TARDBP: variants seen among roughly 807,000 people sequenced by gnomAD.
The protein encoded by TARDBP is TAR DNA binding protein, also known as TAR DNA-binding protein 43.
TARDBP carries 4 observed loss-of-function variants against 38.3 expected under a neutral mutation model. The observed-to-expected ratio is 0.10, with a 90% CI of 0.05 to 0.24. The LOEUF is 0.24. Ranked by LOEUF, TARDBP falls within the 10% of genes least tolerant of loss-of-function variation. TARDBP has a pLI of 1.00. For synonymous variants in TARDBP, 184 were observed against 183.8 expected, an observed-to-expected ratio of 1.00 and a Z score of -0.01; for missense variants, 202 against 521.9, an observed-to-expected ratio of 0.39 and a Z score of 5.97.
At chr1:11,029,561 A>G (rs1643804491), downstream of TARDBP, 2 of 151,912 alleles carry the variant, frequency 1.3e-5, no homozygotes, top group Non-Finnish European at 2.9e-5. Context: ...ATAGCATTTT[A>G]ACATAGAATA....
intron 2 of TARDBP, among the ~76,000 whole-genome samples, chr1:11,014,398 C>G (rs1229030811): frequency 6.6e-6 from 1 of 152,190 alleles, no homozygotes; most frequent in African/African-American, 2.4e-5. Context: ...TGAATTAGTG[C>G]AGTTCCAATT....
At chr1:11,030,414 A>T, downstream of TARDBP, 1 of 603,802 alleles carries the variant, frequency 1.7e-6, no homozygotes, top group Admixed American at 3.3e-5. Context: ...TCTCTGCATT[A>T]CCATGTTTGC....
At chr1:11,017,506 C>T (rs1427781497) in intron 3 of TARDBP, among the ~76,000 whole-genome samples, 1 of 151,858 alleles carries the variant, frequency 6.6e-6, no homozygotes, top group Non-Finnish European at 1.5e-5. Context: ...CGGCCACATT[C>T]TTGTTATTTT....
At chr1:11,020,051 G>A (rs915190007) in intron 4 of TARDBP, among the ~76,000 whole-genome samples, 20 of 151,610 alleles carry the variant, frequency 1.3e-4, no homozygotes, top group African/African-American at 4.6e-4. Context: ...AGTAGAGGTG[G>A]GGTTTCACCA....
In TARDBP at chr1:11,024,414, T is replaced by C. The variant is rs1323512870; in HGVS notation, c.*1760T>C. The C allele has an allele frequency of 6.6e-6, 1 of 152,616 alleles. No homozygotes were observed. The highest frequency in any genetic ancestry group is 1.5e-5 in the Non-Finnish European group (1 of 68,040). The allele number at this position is 152,616 out of a possible 1,614,324, so 9.5% of individuals were successfully genotyped here. ...TCTATTTACATGGCCTGTGTAAATCTCCATTGGGAAGTCATGCCTTCTAAA... is the reference window on the plus strand; with the variant it reads ...TCTATTTACATGGCCTGTGTAAATCCCCATTGGGAAGTCATGCCTTCTAAA... On this transcript the variant is annotated 3_prime_UTR_variant, in exon 6 of 6. Coordinates refer to ENST00000240185, the MANE Select transcript of TARDBP (RefSeq NM_007375.4).
chr1:11,026,696 CA>C, downstream of TARDBP: 1 of 434,614 alleles, frequency 2.3e-6, no homozygotes, highest in Non-Finnish European at 4.0e-6. Context: ...CCCCTTGAGT[CA>C]ATGGGTAAGG....
At position 11,022,727 on chromosome 1, in the gene TARDBP, G is replaced by C. The variant is rs185638796; in HGVS notation, c.*73G>C. 2.0e-4 allele frequency: 309 copies of C among 1,552,498 alleles called. 4 individuals carry two copies. In the East Asian group the frequency reaches 6.9e-3, roughly 35 times the overall value. On this transcript the variant is annotated 3_prime_UTR_variant, in exon 6 of 6. Transcript: ENST00000240185. The surrounding 1 kb of genome is among the most constrained non-coding windows in gnomAD (Gnocchi z 4.5). ...TTTCTAAACTCATGGTAAGTATATT[G>C]TAAAATACATATGTACTAAGAATTT...
downstream of TARDBP, chr1:11,027,397 C>T: frequency 6.2e-7 from 1 of 1,614,168 alleles, no homozygotes; most frequent in Non-Finnish European, 8.5e-7. Context: ...TGTATAAAAA[C>T]AGCTTCAGAC....
In TARDBP at chr1:11,023,350, C is replaced by T. The variant is rs896489029; in HGVS notation, c.*696C>T. 29 of 1,228,488 alleles carry T rather than the reference C, an allele frequency of 2.4e-5. No individual in the cohort carries two copies. The highest frequency in any genetic ancestry group is 5.1e-5 in the East Asian group (2 of 39,006). 76.1% of individuals were successfully genotyped at this position (1,228,488 alleles called of 1,614,324 possible). On this transcript the variant is annotated 3_prime_UTR_variant, in exon 6 of 6. Transcript: ENST00000240185. ...TGACGGTGGGTGTCCCATTTTTATC[C>T]GCTACTCTTTATTTCATGGAGTCGT...
At chr1:11,021,212 C>T (rs72870040) in intron 5 of TARDBP, among the ~76,000 whole-genome samples, 1,986 of 151,702 alleles carry the variant, frequency 0.013, 44 homozygotes, top group African/African-American at 0.045. Context: ...GATCTTGGCT[C>T]GCTGCATCCT....
At chr1:11,013,642 T>C (rs757365023) in intron 1 of TARDBP, 74 bp from the exon 2 acceptor site, 50 of 1,236,024 alleles carry the variant, frequency 4.0e-5, no homozygotes, top group Non-Finnish European at 5.7e-5. Flanking sequence ...TCTGACATGG[T>C]TTGGGTATTA....
downstream of TARDBP, among the ~76,000 whole-genome samples, chr1:11,028,529 A>G (rs901602464): frequency 4.6e-5 from 7 of 152,084 alleles, no homozygotes; most frequent in Admixed American, 1.3e-4. Context: ...GTTTTATTGT[A>G]TCTTTATTGC....
chr1:11,029,015 CAG>C (rs1643793964), downstream of TARDBP, among the ~76,000 whole-genome samples: 5 of 148,118 alleles, frequency 3.4e-5, no homozygotes, highest in South Asian at 1.1e-3. Context: ...TTTTTTGAGA[CAG>C]AGTCTCGCTC....
intron 2 of TARDBP, 147 bp downstream of exon 2, chr1:11,014,112 C>A: frequency 1.2e-6 from 1 of 835,214 alleles, no homozygotes; most frequent in Non-Finnish European, 2.1e-6. Flanking sequence ...TTTGGAAGAC[C>A]ACGAGTCTAA....
chr1:11,023,405 T>C lies in TARDBP; in HGVS notation c.*751T>C, dbSNP rs528715466. ...ACGCTATGAACGCAAGGCTGTGATATGGAACCAGAAGGCTGTCTGAACTTT... is the reference window on the plus strand; with the variant it reads ...ACGCTATGAACGCAAGGCTGTGATACGGAACCAGAAGGCTGTCTGAACTTT... On this transcript the variant is annotated 3_prime_UTR_variant, in exon 6 of 6. Coordinates refer to ENST00000240185, the MANE Select transcript of TARDBP (RefSeq NM_007375.4). The C allele has an allele frequency of 2.3e-5, 19 of 816,262 alleles. No individual in the cohort carries two copies. The highest frequency in any genetic ancestry group is 1.9e-4 in the East Asian group (7 of 36,696). The allele number at this position is 816,262 out of a possible 1,614,324, so 50.6% of individuals were successfully genotyped here.
At chr1:11,030,452 T>C (rs1280553217), downstream of TARDBP, 1 of 584,556 alleles carries the variant, frequency 1.7e-6, no homozygotes, top group Non-Finnish European at 3.0e-6. Flanking sequence ...TTTAGATGTG[T>C]AACTTGAATA....
chr1:11,016,799 G>A (rs764075756), intron 2 of TARDBP, 45 bp from the exon 3 acceptor site: 50 of 1,597,316 alleles, frequency 3.1e-5, no homozygotes, highest in Non-Finnish European at 3.7e-5. Context: ...TTTTAAAGAA[G>A]TGCTAAGTGA....
Position 11,015,534 on chromosome 1 carries a change from G to A in TARDBP, c.239-1310G>A, listed in dbSNP as rs1365086095. Reference sequence around the variant, plus strand: ...AATTTATCTCCCCAGGCTGGACATGGTGGCTCACATCTGTAATCCCAGCTA... The same window carrying A: ...AATTTATCTCCCCAGGCTGGACATGATGGCTCACATCTGTAATCCCAGCTA... On this transcript the variant is annotated intron_variant, in intron 2 of 5. Transcript: ENST00000240185. 2.0e-5 allele frequency: 3 copies of A among 149,990 alleles called. No homozygotes were observed. In the East Asian group the frequency reaches 6.1e-4, roughly 31 times the overall value. 9.3% of individuals were successfully genotyped at this position (149,990 alleles called of 1,614,324 possible).
chr1:11,018,582 CTTG>C, intron 3 of TARDBP, 148 bp from the exon 4 acceptor site: 1 of 993,176 alleles, frequency 1.0e-6, no homozygotes, highest in Admixed American at 1.9e-5. Context: ...TATTAACCTC[CTTG>C]TTTTTACTGT....
Sources: allele counts gnomAD v4.1 joint callset (sites outside exome capture counted in the v4.1 genomes callset), GRCh38; gene constraint gnomAD v4.1.1; non-coding constraint Gnocchi (gnomAD v3.1); transcripts MANE v1.5; gene names NCBI Gene and HGNC (gene_info 2026-07-23, HGNC 2026-07-21).